The following GALNT13 variants were observed in gnomAD, a reference collection of about 807,000 sequenced individuals.
GALNT13 encodes the protein polypeptide N-acetylgalactosaminyltransferase 13.
Under a neutral mutation model 64.2 loss-of-function variants are expected in GALNT13, and 28 were observed. The observed-to-expected ratio is 0.44, with a 90% confidence interval of 0.32 to 0.60. GALNT13 has a LOEUF of 0.60. GALNT13 is among the 20% of genes least tolerant of loss of function. The pLI, the probability that GALNT13 is intolerant of heterozygous loss-of-function variation, is 0.05. For missense variants in GALNT13, 577 were observed against 669.8 expected, an observed-to-expected ratio of 0.86 and a Z score of 1.53; for synonymous variants, 214 against 224.6, an observed-to-expected ratio of 0.95 and a Z score of 0.42.
chr2:153,613,826 A>C, the GALNT13 span, among the ~76,000 whole-genome samples: 2 of 151,968 alleles, frequency 1.3e-5, no homozygotes, highest in Non-Finnish European at 2.9e-5. Context: ...ATGGCTGCAT[A>C]GTATTCCATG....
intron 3 of GALNT13, among the ~76,000 whole-genome samples, chr2:154,104,666 A>G (rs541970948): frequency 1.3e-5 from 2 of 152,258 alleles, no homozygotes; most frequent in East Asian, 3.9e-4. Flanking sequence ...CTCATTTTCC[A>G]TAGGAATGGC....
At chr2:154,175,060 A>G (rs886721877) in intron 4 of GALNT13, among the ~76,000 whole-genome samples, 4 of 152,142 alleles carry the variant, frequency 2.6e-5, no homozygotes, top group African/African-American at 4.8e-5. Flanking sequence ...ATAATGCATA[A>G]TATTCCCTAT....
chr2:154,360,819 A>G lies in GALNT13; in HGVS notation c.1157-35172A>G, dbSNP rs377482377. On this transcript the variant is annotated intron_variant, in intron 9 of 12. Coordinates refer to ENST00000392825, the MANE Select transcript of GALNT13 (RefSeq NM_052917.4). ...GTGGCACCATGATAGCTCTCAGGCA[A>G]TTTAAGTCTATACAAGAATTCAGAG... Among the ~76,000 whole-genome samples the G allele has an allele frequency of 9.1e-4, 139 of 152,202 alleles. 2 individuals carry two copies. In the South Asian group the frequency reaches 0.027, roughly 30 times the overall value.
At chr2:154,084,773 C>T (rs1701444493) in intron 3 of GALNT13, among the ~76,000 whole-genome samples, 1 of 151,820 alleles carries the variant, frequency 6.6e-6, no homozygotes, top group Non-Finnish European at 1.5e-5. Context: ...TTTAATTGCT[C>T]AACATAGGCC....
intron 9 of GALNT13, among the ~76,000 whole-genome samples, chr2:154,349,897 C>CATA (rs200993001): frequency 0.015 from 2,325 of 152,244 alleles, 40 homozygotes; most frequent in Non-Finnish European, 0.021. Context: ...GAAGTAGGAC[C>CATA]ATATTAGAGG....
At chr2:153,485,787 C>CT in the GALNT13 span, among the ~76,000 whole-genome samples, 1 of 152,074 alleles carries the variant, frequency 6.6e-6, no homozygotes, top group Non-Finnish European at 1.5e-5. Flanking sequence ...ATAGTCCCAG[C>CT]TACTTGGGAG....
chr2:153,596,680 T>C, the GALNT13 span, among the ~76,000 whole-genome samples: 1 of 151,994 alleles, frequency 6.6e-6, no homozygotes, highest in East Asian at 1.9e-4. Flanking sequence ...AAAGTTCATG[T>C]AGAAAAATAT....
the GALNT13 span, among the ~76,000 whole-genome samples, chr2:153,525,492 G>A: frequency 1.2e-3 from 183 of 152,282 alleles, 2 homozygotes; most frequent in African/African-American, 4.1e-3. Context: ...AACAGGAGGT[G>A]AGCAGCTGGT....
the GALNT13 span, among the ~76,000 whole-genome samples, chr2:153,319,954 T>A: frequency 6.6e-6 from 1 of 152,038 alleles, no homozygotes; most frequent in Non-Finnish European, 1.5e-5. Context: ...CCATAAAAGA[T>A]GGGGAGCTGA....
chr2:154,287,121 C>A (rs748921087), intron 8 of GALNT13: 42 of 1,227,924 alleles, frequency 3.4e-5, no homozygotes, highest in Non-Finnish European at 4.7e-5. Context: ...ATGTCCTTGA[C>A]ACATCTGACC....
intron 2 of GALNT13, among the ~76,000 whole-genome samples, chr2:153,925,885 G>A (rs1377704495): frequency 2.6e-5 from 4 of 152,122 alleles, no homozygotes; most frequent in South Asian, 2.1e-4. Context: ...GAATGCTAGC[G>A]ATTTTTGCAC....
intron 9 of GALNT13, among the ~76,000 whole-genome samples, chr2:154,355,459 T>A (rs1371479494): frequency 6.6e-6 from 1 of 152,094 alleles, no homozygotes; most frequent in African/African-American, 2.4e-5. Flanking sequence ...CAGGTACATA[T>A]AAATGTCACA....
At chr2:153,841,828 T>A in the GALNT13 span, among the ~76,000 whole-genome samples, 1 of 152,208 alleles carries the variant, frequency 6.6e-6, no homozygotes, top group African/African-American at 2.4e-5. Flanking sequence ...TATAACAATA[T>A]ATTTTTGGGA....
chr2:153,233,992 A>G, the GALNT13 span, among the ~76,000 whole-genome samples: 1 of 152,228 alleles, frequency 6.6e-6, no homozygotes, highest in Non-Finnish European at 1.5e-5. Flanking sequence ...ACAAAAATGT[A>G]TAAAAGAAGC....
the GALNT13 span, among the ~76,000 whole-genome samples, chr2:153,851,876 A>C: frequency 6.6e-6 from 1 of 152,210 alleles, no homozygotes; most frequent in Admixed American, 6.5e-5. Context: ...AGCATTGAGG[A>C]AACAAAATGT....
At chr2:154,434,038 T>A (rs1700821867) in intron 11 of GALNT13, among the ~76,000 whole-genome samples, 1 of 152,204 alleles carries the variant, frequency 6.6e-6, no homozygotes, top group African/African-American at 2.4e-5. Flanking sequence ...GAAGACCGTG[T>A]GAAGACACAT....
At chr2:153,503,693 G>A in the GALNT13 span, among the ~76,000 whole-genome samples, 9 of 152,128 alleles carry the variant, frequency 5.9e-5, no homozygotes, top group Non-Finnish European at 1.2e-4. Context: ...CACCCACCTC[G>A]GCCTCCCAAA....
chr2:153,478,501 G>T, the GALNT13 span: 2 of 1,610,470 alleles, frequency 1.2e-6, no homozygotes, highest in African/African-American at 1.3e-5. Context: ...TCGCTCCAGC[G>T]CCTCGCTGCT....
chr2:154,158,618 C>G (rs770287723), intron 4 of GALNT13, among the ~76,000 whole-genome samples: 3 of 152,132 alleles, frequency 2.0e-5, no homozygotes, highest in Non-Finnish European at 2.9e-5. Flanking sequence ...GCTTATTTCT[C>G]TCACTGCAAG....
Sources: gnomAD v4.1 joint callset for allele counts (sites outside exome capture counted in the v4.1 genomes callset) on GRCh38, gnomAD v4.1.1 for gene constraint, MANE v1.5 for transcripts, NCBI Gene and HGNC (gene_info 2026-07-23, HGNC 2026-07-21) for gene names.